Variants in SNTG1 observed in about 807,000 individuals in gnomAD.
The protein encoded by SNTG1 is gamma-1-syntrophin.
A neutral mutation model predicts 74.7 loss-of-function variants in SNTG1; 39 were observed. The ratio of observed to expected loss-of-function variants is 0.52; its 90% CI spans 0.40 to 0.68. The LOEUF (loss-of-function observed/expected upper bound fraction) is 0.68, where lower values mean the gene tolerates loss of function less well. SNTG1 is among the 30% of genes least tolerant of loss of function. SNTG1 has a pLI of 0.00. For missense variants in SNTG1, 685 were observed against 609.5 expected (o/e 1.12, Z -1.30); for synonymous variants, 254 against 217.1 (o/e 1.17, Z -1.49).
At chr8:50,611,771 A>T (rs1227546119) in intron 13 of SNTG1, among the ~76,000 whole-genome samples, 1 of 152,022 alleles carries the variant, frequency 6.6e-6, no homozygotes, top group Non-Finnish European at 1.5e-5. Flanking sequence ...ATTTACTTTA[A>T]TTTAATTTTT....
chr8:50,251,238 A>G (rs756688566), intron 2 of SNTG1, among the ~76,000 whole-genome samples: 1 of 152,034 alleles, frequency 6.6e-6, no homozygotes, highest in Non-Finnish European at 1.5e-5. Flanking sequence ...TGTGCAAATG[A>G]GAAAGAGAAA....
Position 50,216,966 on chromosome 8 carries a change from T to A in SNTG1, c.-28+44331T>A, listed in dbSNP as rs984199183. On this transcript the variant is annotated intron_variant, in intron 2 of 18. Coordinates refer to ENST00000642720, the MANE Select transcript of SNTG1 (RefSeq NM_018967.5). ...ATTTAACAGAAGTAGAAAACTTATT[T>A]ATTGAGTTTGGGAGAAAAGCAATTC... Among the ~76,000 whole-genome samples, 3 of 151,918 alleles carry A rather than the reference T, an allele frequency of 2.0e-5. No individual in the cohort carries two copies. The East Asian group carries it at 5.8e-4, about 29-fold the overall frequency.
intron 12 of SNTG1, among the ~76,000 whole-genome samples, chr8:50,560,613 C>G (rs1051040552): frequency 6.6e-6 from 1 of 152,182 alleles, no homozygotes; most frequent in Non-Finnish European, 1.5e-5. Context: ...CAAACTAACA[C>G]AGGAACAGAA....
intron 2 of SNTG1, among the ~76,000 whole-genome samples, chr8:50,311,086 T>C (rs1298904962): frequency 1.3e-5 from 2 of 152,244 alleles, no homozygotes; most frequent in Non-Finnish European, 2.9e-5. Flanking sequence ...TCTAAAAATA[T>C]TATGAGCCTT....
At chr8:50,078,986 C>T (rs1283434800) in intron 1 of SNTG1, among the ~76,000 whole-genome samples, 4 of 152,076 alleles carry the variant, frequency 2.6e-5, no homozygotes, top group African/African-American at 4.8e-5. Context: ...GGTTCCAAGT[C>T]TTTGCTATTG....
intron 4 of SNTG1, among the ~76,000 whole-genome samples, chr8:50,426,369 G>T (rs2093163381): frequency 6.6e-6 from 1 of 151,934 alleles, no homozygotes; most frequent in Non-Finnish European, 1.5e-5. Context: ...AAAATTTCTA[G>T]TTACATCTTA....
intron 5 of SNTG1, among the ~76,000 whole-genome samples, chr8:50,446,899 A>G (rs1018735189): frequency 3.3e-5 from 5 of 152,220 alleles, no homozygotes; most frequent in Non-Finnish European, 7.3e-5. Flanking sequence ...TACACTGCAT[A>G]TAACATATTT....
intron 9 of SNTG1, among the ~76,000 whole-genome samples, chr8:50,523,374 T>C (rs2094195561): frequency 6.6e-6 from 1 of 152,230 alleles, no homozygotes; most frequent in Non-Finnish European, 1.5e-5. Context: ...GCTTTTGGCT[T>C]ATCTTGGCTT....
intron 2 of SNTG1, among the ~76,000 whole-genome samples, chr8:50,255,350 G>C (rs979955292): frequency 1.3e-5 from 2 of 152,006 alleles, no homozygotes; most frequent in Admixed American, 6.6e-5. Flanking sequence ...TAATGTTTTG[G>C]ATTAAATTCT....
rs371820941 is a variant in SNTG1, at chr8:50,109,427, C to G, written c.-102-63134C>G. On this transcript the variant is annotated intron_variant, in intron 1 of 18. Coordinates refer to ENST00000642720, the MANE Select transcript of SNTG1 (RefSeq NM_018967.5). ...ACATGCCAGGAGTCTAAGTCCAGCA[C>G]CTCAATGGAGAGTATAAAACATGGA... Among the ~76,000 whole-genome samples the G allele has an allele frequency of 2.6e-5, 4 of 152,170 alleles. No individual in the cohort carries two copies. In the South Asian group the frequency reaches 8.3e-4, roughly 32 times the overall value.
chr8:49,969,622 C>T (rs963026879), intron 1 of SNTG1, among the ~76,000 whole-genome samples: 8 of 151,940 alleles, frequency 5.3e-5, no homozygotes, highest in Admixed American at 5.2e-4. Context: ...GTGTCAACCT[C>T]CTGACCTCAG....
chr8:50,653,858 G>A (rs2095163786), intron 13 of SNTG1, among the ~76,000 whole-genome samples: 1 of 152,072 alleles, frequency 6.6e-6, no homozygotes, highest in Non-Finnish European at 1.5e-5. Context: ...TTCATTCATA[G>A]GTATAAAGTT....
chr8:50,224,120 T>C (rs1392467920), intron 2 of SNTG1, among the ~76,000 whole-genome samples: 2 of 152,088 alleles, frequency 1.3e-5, no homozygotes, highest in Non-Finnish European at 2.9e-5. Flanking sequence ...ATGTAAGACA[T>C]ATAAGACCTA....
At chr8:50,387,955 T>C (rs1469925072) in intron 2 of SNTG1, among the ~76,000 whole-genome samples, 1 of 152,188 alleles carries the variant, frequency 6.6e-6, no homozygotes, top group Non-Finnish European at 1.5e-5. Flanking sequence ...ACAGACTTCA[T>C]ATATGTCTTC....
At chr8:50,592,643 C>T (rs959653907) in intron 13 of SNTG1, among the ~76,000 whole-genome samples, 1 of 142,518 alleles carries the variant, frequency 7.0e-6, no homozygotes, top group South Asian at 2.2e-4. Flanking sequence ...GACACATACT[C>T]ATATGTAAGC....
chr8:50,468,012 A>T (rs952800019), intron 8 of SNTG1, among the ~76,000 whole-genome samples: 19 of 150,762 alleles, frequency 1.3e-4, no homozygotes, highest in East Asian at 5.8e-4. Context: ...TATAATAAAT[A>T]TTTTTTTTTC....
At position 50,792,662 on chromosome 8, in the gene SNTG1, C is replaced by T. The variant is rs762929338; in HGVS notation, c.1396-9C>T. On this transcript the variant is annotated splice_polypyrimidine_tract_variant and intron_variant, in intron 18 of 18. Coordinates refer to ENST00000642720, the MANE Select transcript of SNTG1 (RefSeq NM_018967.5). ...TATGTTATCTGACCTGTTTCTCTTTCCCTTTCAGGAGTTGGAATTTTCTAA... is the reference window on the plus strand; with the variant it reads ...TATGTTATCTGACCTGTTTCTCTTTTCCTTTCAGGAGTTGGAATTTTCTAA... The T allele has an allele frequency of 6.3e-7, 1 of 1,598,508 alleles. No homozygotes were observed. Among genetic ancestry groups the T allele is most frequent in the East Asian group, 2.3e-5 (1 of 44,364 alleles).
intron 1 of SNTG1, among the ~76,000 whole-genome samples, chr8:50,080,364 G>A (rs557525365): frequency 6.6e-6 from 1 of 152,230 alleles, no homozygotes; most frequent in African/African-American, 2.4e-5. Flanking sequence ...AGTATAAGAT[G>A]TGTTTTTTGT....
intron 2 of SNTG1, among the ~76,000 whole-genome samples, chr8:50,221,968 G>A (rs2085092703): frequency 6.6e-6 from 1 of 152,170 alleles, no homozygotes; most frequent in Non-Finnish European, 1.5e-5. Context: ...TAGTTTGGTA[G>A]GTAGGGTGCT....
Sources: allele counts gnomAD v4.1 joint callset (sites outside exome capture counted in the v4.1 genomes callset), GRCh38; gene constraint gnomAD v4.1.1; transcripts MANE v1.5; gene names NCBI Gene and HGNC (gene_info 2026-07-23, HGNC 2026-07-21).